Variants in ANK1 observed in about 807,000 individuals in gnomAD.
The protein encoded by ANK1 is ankyrin-1.
In ANK1, 51 loss-of-function variants were observed where a neutral mutation model predicts 210.4. The observed-to-expected ratio is 0.24, with a 90% CI of 0.19 to 0.31. The LOEUF is 0.31. ANK1 is among the 10% of genes least tolerant of loss of function. ANK1 has a pLI of 1.00. For missense variants in ANK1, 2,051 were observed against 2,504.4 expected, an observed-to-expected ratio of 0.82 and a Z score of 3.86; for synonymous variants, 967 against 1,025.9, an observed-to-expected ratio of 0.94 and a Z score of 1.10.
At chr8:41,769,959 C>CTT (rs985893689) in intron 1 of ANK1, among the ~76,000 whole-genome samples, 4 of 115,058 alleles carry the variant, frequency 3.5e-5, no homozygotes, top group African/African-American at 3.3e-5. Flanking sequence ...TATATATCTT[C>CTT]TTTTTTTTTT....
chr8:41,816,415 C>G (rs1803343138), intron 1 of ANK1, among the ~76,000 whole-genome samples: 2 of 152,136 alleles, frequency 1.3e-5, no homozygotes, highest in African/African-American at 4.8e-5. Flanking sequence ...GAAGACTTGC[C>G]TGTTTTAATT....
At chr8:41,726,058 G>T in intron 5 of ANK1, 112 bp from the exon 6 acceptor site, 1 of 1,239,584 alleles carries the variant, frequency 8.1e-7, no homozygotes, top group Non-Finnish European at 1.1e-6. Context: ...CAGCCTGAGG[G>T]ACCTACCTCC....
At chr8:41,668,688 A>T (rs1377897575) in intron 38 of ANK1, 124 bp from the exon 39 acceptor site, 2 of 1,105,362 alleles carry the variant, frequency 1.8e-6, no homozygotes, top group African/African-American at 3.2e-5. Context: ...AAGGACACAG[A>T]CCGTCCTCCC....
intron 1 of ANK1, among the ~76,000 whole-genome samples, chr8:41,769,492 T>C (rs1842574196): frequency 6.6e-6 from 1 of 152,146 alleles, no homozygotes; most frequent in African/African-American, 2.4e-5. Context: ...TGTTCCAACA[T>C]TAATATTTAG....
chr8:41,864,277 T>C (rs1189307434), intron 1 of ANK1, among the ~76,000 whole-genome samples: 3 of 151,636 alleles, frequency 2.0e-5, no homozygotes, highest in African/African-American at 7.3e-5. Context: ...AGGGTACCAT[T>C]TCCTCCAAGA....
In ANK1 at chr8:41,665,115, C is replaced by G. The variant is rs948918918; in HGVS notation, c.5395-1373G>C. On this transcript the variant is annotated intron_variant, in intron 39 of 42. Transcript: ENST00000289734. ...TCATTCTCCACTGGGACTCCTGAGTCCCCCAGGGACCCCTTGCATTCCCCC... is the reference window on the plus strand; with the variant it reads ...TCATTCTCCACTGGGACTCCTGAGTGCCCCAGGGACCCCTTGCATTCCCCC... 2.6e-6 allele frequency: 4 copies of G among 1,557,224 alleles called. No homozygotes were observed. The African/African-American group carries it at 4.1e-5, about 16-fold the overall frequency.
intron 1 of ANK1, among the ~76,000 whole-genome samples, chr8:41,787,935 G>A (rs577435448): frequency 7.9e-5 from 12 of 152,192 alleles, no homozygotes; most frequent in African/African-American, 2.9e-4. Context: ...ACACCACCCT[G>A]CCCCCCAGTA....
chr8:41,809,392 A>G (rs921263215), intron 1 of ANK1, among the ~76,000 whole-genome samples: 1 of 152,244 alleles, frequency 6.6e-6, no homozygotes, highest in Non-Finnish European at 1.5e-5. Flanking sequence ...ACGCGTCAAC[A>G]TGCACTATGG....
intron 2 of ANK1, among the ~76,000 whole-genome samples, chr8:41,748,778 G>A (rs1473111312): frequency 6.6e-6 from 1 of 152,232 alleles, no homozygotes; most frequent in African/African-American, 2.4e-5. Context: ...GCTTACGCCT[G>A]TAATCCCAGC....
At chr8:41,845,111 G>A (rs556472940) in intron 1 of ANK1, among the ~76,000 whole-genome samples, 1 of 152,292 alleles carries the variant, frequency 6.6e-6, no homozygotes, top group South Asian at 2.1e-4. Context: ...CAGGCCAGGC[G>A]CAGTGACTCA....
Position 41,849,879 on chromosome 8 carries a change from A to G in ANK1, c.126+46476T>C, listed in dbSNP as rs1404656182. ...TTCCAGCACCATCTTCATCTTCCCC[A>G]TTATCTATGGAGCACCTGCGATTGG... On this transcript the variant is annotated intron_variant, in intron 1 of 42. Coordinates refer to the ANK1 transcript ENST00000265709. Among the ~76,000 whole-genome samples, 5 of 152,126 alleles carry G rather than the reference A, an allele frequency of 3.3e-5. No homozygotes were observed. In the East Asian group the frequency reaches 9.6e-4, roughly 29 times the overall value.
intron 1 of ANK1, among the ~76,000 whole-genome samples, chr8:41,873,190 A>C (rs1815894480): frequency 6.6e-6 from 1 of 152,208 alleles, no homozygotes; most frequent in South Asian, 2.1e-4. Context: ...AAACTACATA[A>C]AGTGACTACA....
intron 1 of ANK1, among the ~76,000 whole-genome samples, chr8:41,762,775 G>A (rs1239169881): frequency 6.6e-6 from 1 of 152,186 alleles, no homozygotes; most frequent in African/African-American, 2.4e-5. Flanking sequence ...GAATGTTAAA[G>A]AGACATTTCT....
rs1820185774 is a variant in ANK1, at chr8:41,694,255, C to G, written c.3328-153G>C. Among the ~76,000 whole-genome samples, 1 of 152,192 alleles carries G rather than the reference C, an allele frequency of 6.6e-6. No homozygotes were observed. The highest frequency in any genetic ancestry group is 2.4e-5 in the African/African-American group (1 of 41,448). ...AACCGACACGGTGGAGCTTGCCTTCCTGAGCCCTTTCTCCCCTTCTCCTCT... is the reference window on the plus strand; with the variant it reads ...AACCGACACGGTGGAGCTTGCCTTCGTGAGCCCTTTCTCCCCTTCTCCTCT... On this transcript the variant is annotated intron_variant, in intron 28 of 42. Coordinates refer to ENST00000289734, the MANE Select transcript of ANK1 (RefSeq NM_000037.4). The surrounding 1 kb of genome is among the most constrained non-coding windows in gnomAD (Gnocchi z 5.7).
intron 36 of ANK1, among the ~76,000 whole-genome samples, chr8:41,685,685 G>C (rs1046000906): frequency 5.3e-5 from 8 of 152,174 alleles, no homozygotes; most frequent in African/African-American, 1.9e-4. Flanking sequence ...GCCCAGGCTG[G>C]AGTGCAGCAG....
rs746302563 is a variant in ANK1 at position 41,734,029 on chromosome 8, T to C, written c.170A>G (p.His57Arg). The C allele has an allele frequency of 1.2e-6, 2 of 1,614,240 alleles. No homozygotes were observed. Among genetic ancestry groups the C allele is most frequent in the African/African-American group, 1.3e-5 (1 of 75,072 alleles). Residue 57 changes from histidine to arginine, a missense_variant, in exon 3 of 43, where the codon CAT (histidine) becomes CGT (arginine). This residue lies in a region of ANK1 where 72 missense variants were observed against 133.5 expected (regional missense o/e 0.54). Transcript: ENST00000289734. ...NGLHLASKEG[H>R]VKMVVELLHK... ...CAGAAGTTCAACCACCATTTTCACA[T>C]GGCCTTCCTTAGAAGCCAGATGCAA...
chr8:41,690,641 A>G, intron 31 of ANK1, 42 bp from the exon 32 acceptor site: 2 of 1,602,738 alleles, frequency 1.2e-6, no homozygotes, highest in South Asian at 1.1e-5. Context: ...CAGGGAGAGA[A>G]GGGCCCAGAT....
rs525742 is a variant in ANK1 at position 41,699,249 on chromosome 8, G to A, written c.2558+203C>T. The stretch of plus-strand genomic sequence containing the variant: ...GGAAGAGGAGCAGAGAGGCGTCCAG[G>A]CAGCACGGTGTGAGGGAGGCCTCCG... On this transcript the variant is annotated intron_variant, in intron 23 of 42. Transcript: ENST00000289734. Among the ~76,000 whole-genome samples, 1,021 of 152,288 alleles carry A rather than the reference G, an allele frequency of 6.7e-3. 12 individuals carry two copies. The highest frequency in any genetic ancestry group is 0.011 in the Non-Finnish European group (728 of 68,024).
intron 1 of ANK1, among the ~76,000 whole-genome samples, chr8:41,863,260 G>A (rs1813655577): frequency 2.0e-5 from 3 of 151,812 alleles, no homozygotes; most frequent in Non-Finnish European, 4.4e-5. Context: ...TCGGGAGGCT[G>A]AGGCAGGAGA....
Sources: gnomAD v4.1 joint callset for allele counts (sites outside exome capture counted in the v4.1 genomes callset) on GRCh38, gnomAD v4.1.1 for gene constraint, gnomAD v4.1.1 regional missense constraint, Gnocchi (gnomAD v3.1) non-coding constraint, MANE v1.5 for transcripts, NCBI Gene and HGNC (gene_info 2026-07-23, HGNC 2026-07-21) for gene names.